Variants in ADGRB2 observed in about 807,000 individuals in gnomAD.
ADGRB2 encodes the protein brain-specific angiogenesis inhibitor 2.
ADGRB2 carries 47 observed loss-of-function variants against 178.7 expected under a neutral mutation model. The observed-to-expected ratio is 0.26, with a 90% CI of 0.21 to 0.34. ADGRB2 has a LOEUF of 0.34. Ranked by LOEUF, ADGRB2 falls within the 10% of genes least tolerant of loss-of-function variation. The pLI, the probability that ADGRB2 is intolerant of heterozygous loss-of-function variation, is 1.00. For synonymous variants in ADGRB2, 870 were observed against 912.4 expected, an observed-to-expected ratio of 0.95 and a Z score of 0.84; for missense variants, 1,584 against 2,180.8, an observed-to-expected ratio of 0.73 and a Z score of 5.45.
chr1:31,742,846 G>A lies in ADGRB2; in HGVS notation c.1244C>T (p.Ala415Val), dbSNP rs1252041788. The A allele has an allele frequency of 2.0e-6, 3 of 1,479,892 alleles. No individual in the cohort carries two copies. Among genetic ancestry groups the A allele is most frequent in the Non-Finnish European group, 2.7e-6 (3 of 1,105,630 alleles). 91.7% of individuals were successfully genotyped at this position (1,479,892 alleles called of 1,614,324 possible). Residue 415 changes from alanine (A) to valine (V), a missense_variant, in exon 7 of 33, where the codon GCC becomes GTC. Ala to Val is a moderately conservative substitution (Grantham distance 64). Around this residue, in one of 3 missense-constraint regions of ADGRB2, gnomAD observed 657 missense variants for 847.6 expected, o/e 0.78. Coordinates refer to ENST00000373658, the MANE Select transcript of ADGRB2 (RefSeq NM_001364857.2). ...ELQTKLCSMA[A>V]CPVEGQWLEW... ...CCACGGGTGCTACTGACCCGGGCAG[G>A]CAGCCATACTGCAGAGCTTAGTCTG...
chr1:31,735,671 G>A lies in ADGRB2; in HGVS notation c.3268-6C>T. The A allele has an allele frequency of 6.3e-7, 1 of 1,591,320 alleles. No individual in the cohort carries two copies. Among genetic ancestry groups the A allele is most frequent in the Non-Finnish European group, 8.6e-7 (1 of 1,164,914 alleles). Reference sequence around the variant, plus strand: ...ATTCCGATGAGCATGTTCACCTGGGGGCCCAGTAGAGTGGAGTGGGGGAGA... The same window carrying A: ...ATTCCGATGAGCATGTTCACCTGGGAGCCCAGTAGAGTGGAGTGGGGGAGA... On this transcript the variant is annotated splice_region_variant and splice_polypyrimidine_tract_variant and intron_variant, in intron 23 of 32. Transcript: ENST00000373658. This position sits in a 1 kb window ranked among gnomAD's most constrained non-coding sequence, Gnocchi z 6.0.
rs1313431103 is a variant in ADGRB2, at chr1:31,728,127, C to T, written c.4516-46G>A. 6.2e-7 allele frequency: 1 copy of T among 1,613,384 alleles called. No individual in the cohort carries two copies. ...CAGGCTCCAACCCCAGGGGCCACTGCACCAGGTCAGGCCCTGAGCTTCAGG... is the reference window on the plus strand; with the variant it reads ...CAGGCTCCAACCCCAGGGGCCACTGTACCAGGTCAGGCCCTGAGCTTCAGG... On this transcript the variant is annotated intron_variant, in intron 31 of 32. Coordinates refer to ENST00000373658, the MANE Select transcript of ADGRB2 (RefSeq NM_001364857.2). This position sits in a 1 kb window ranked among gnomAD's most constrained non-coding sequence, Gnocchi z 6.7.
intron 4 of ADGRB2, among the ~76,000 whole-genome samples, chr1:31,748,983 C>A (rs1019627440): frequency 6.6e-6 from 1 of 152,304 alleles, no homozygotes; most frequent in East Asian, 1.9e-4. Context: ...ACTCCAGAGG[C>A]CGTGCTCTTT....
chr1:31,738,507 C>T, intron 17 of ADGRB2, 80 bp downstream of exon 17: 1 of 1,549,044 alleles, frequency 6.5e-7, no homozygotes, highest in Non-Finnish European at 8.8e-7. Flanking sequence ...ATCCCTCTTG[C>T]CTTTTAGGCA....
rs1278380375 is a variant in ADGRB2, at chr1:31,753,706, G to A, written c.838+2293C>T. Among the ~76,000 whole-genome samples the A allele has an allele frequency of 1.3e-5, 2 of 152,252 alleles. No individual in the cohort carries two copies. The highest frequency in any genetic ancestry group is 1.3e-4 in the Admixed American group (2 of 15,290). ...GGGGGCCAAAGGCTCGGCAAAGGTG[G>A]TGCTGCCACAAGGCACAGACGGTGC... On this transcript the variant is annotated intron_variant, in intron 4 of 32. Transcript: ENST00000373658. The surrounding 1 kb of genome is among the most constrained non-coding windows in gnomAD (Gnocchi z 4.1).
At position 31,735,856 on chromosome 1, in the gene ADGRB2, A is replaced by C. The variant is rs1236421895; in HGVS notation, c.3238T>G (p.Phe1080Val). 1 of 1,608,508 alleles carries C rather than the reference A, an allele frequency of 6.2e-7. No homozygotes were observed. The highest frequency in any genetic ancestry group is 8.5e-7 in the Non-Finnish European group (1 of 1,177,294). The change falls in exon 23 of 33, where the codon TTT becomes GTT. Residue 1080 changes from phenylalanine to valine, a missense_variant. Physicochemically the swap from Phe to Val is conservative, Grantham distance 50. Around this residue, in one of 3 missense-constraint regions of ADGRB2, gnomAD observed 865 missense variants for 1,192.8 expected, o/e 0.73. Coordinates refer to ENST00000373658, the MANE Select transcript of ADGRB2 (RefSeq NM_001364857.2). This position sits in a 1 kb window ranked among gnomAD's most constrained non-coding sequence, Gnocchi z 6.0. ...LSLEGGLLYA[F>V]VGPAAVIVLV... ...ACAATGACGGCTGCAGGGCCCACAA[A>C]GGCGTAGAGCAGGCCGCCCTCCAGG...
chr1:31,735,041 G>T lies in ADGRB2; in HGVS notation c.3452+142C>A. The T allele has an allele frequency of 2.4e-6, 2 of 828,918 alleles. No homozygotes were observed. The highest frequency in any genetic ancestry group is 1.7e-6 in the Non-Finnish European group (1 of 576,208). The allele number at this position is 828,918 out of a possible 1,614,324, so 51.3% of individuals were successfully genotyped here. ...TGGCCACCTCTTGCCGAGCCCTTGAGAGTGTGTGGTGGCTGGCAGGAAAGG... is the reference window on the plus strand; with the variant it reads ...TGGCCACCTCTTGCCGAGCCCTTGATAGTGTGTGGTGGCTGGCAGGAAAGG... On this transcript the variant is annotated intron_variant, in intron 25 of 32. Transcript: ENST00000373658. The surrounding 1 kb of genome is among the most constrained non-coding windows in gnomAD (Gnocchi z 6.0).
chr1:31,739,918 CCTT>C lies in ADGRB2; in HGVS notation c.2167+5_2167+7del. 1.9e-6 allele frequency: 3 copies of C among 1,613,068 alleles called. No homozygotes were observed. The highest frequency in any genetic ancestry group is 1.7e-4 in the Middle Eastern group (1 of 6,054). On this transcript the variant is annotated splice_donor_5th_base_variant and intron_variant, in intron 14 of 32. Transcript: ENST00000373658. Reference sequence around the variant, plus strand: ...TCAGGACCCCCACCCTTGCCTGACTCCTTCTACCTAGATTATCTGTGACAATCA... The same window carrying C: ...TCAGGACCCCCACCCTTGCCTGACTCCTACCTAGATTATCTGTGACAATCA...
chr1:31,756,252 T>C lies in ADGRB2; in HGVS notation c.585A>G (p.Gln195=). ...AGCGGCAGAGCACACCACAGGTGAA[T>C]TGGCTAGAGTTGTTGTTGTTGATGA... ...VLLINNNNSS[Q]FTCGVLCRWS... is the part of the protein sequence containing the mutation. The change falls in exon 4 of 33, where the codon CAA becomes CAG. Residue 195 remains glutamine, a synonymous_variant. Transcript: ENST00000373658. The surrounding 1 kb of genome is among the most constrained non-coding windows in gnomAD (Gnocchi z 8.5). 7 of 1,613,376 alleles carry C rather than the reference T, an allele frequency of 4.3e-6. No homozygotes were observed. Among genetic ancestry groups the C allele is most frequent in the Non-Finnish European group, 5.9e-6 (7 of 1,179,946 alleles).
chr1:31,729,160 G>T (rs1645150080), intron 29 of ADGRB2, among the ~76,000 whole-genome samples: 1 of 151,962 alleles, frequency 6.6e-6, no homozygotes, highest in Non-Finnish European at 1.5e-5. Flanking sequence ...CACTTTCAAG[G>T]CCCCAGTAAG....
At chr1:31,729,100 C>T (rs1645146098) in intron 29 of ADGRB2, among the ~76,000 whole-genome samples, 1 of 152,160 alleles carries the variant, frequency 6.6e-6, no homozygotes, top group African/African-American at 2.4e-5. Context: ...GCGCTGCCTC[C>T]CTGGCCTCTC....
chr1:31,731,513 C>T (rs1265347753), intron 28 of ADGRB2, 94 bp from the exon 29 acceptor site: 1 of 1,454,422 alleles, frequency 6.9e-7, no homozygotes, highest in Non-Finnish European at 9.2e-7. Flanking sequence ...AGCTTCTGCG[C>T]TTGGACAGGA....
In ADGRB2 at chr1:31,758,692, C is replaced by G. The variant is rs1415016281; in HGVS notation, c.-190-1181G>C. 1.3e-5 allele frequency: 2 copies of G among 156,548 alleles called. No individual in the cohort carries two copies. Among genetic ancestry groups the G allele is most frequent in the African/African-American group, 4.8e-5 (2 of 41,506 alleles). 9.7% of individuals were successfully genotyped at this position (156,548 alleles called of 1,614,324 possible). A position where few individuals can be genotyped will look rare whatever the true frequency, so the allele number is the denominator to read the frequency against. The stretch of plus-strand genomic sequence containing the variant: ...GGGGAGATGGTGGAGTAGCTCCAGG[C>G]AGACCTACTCACTGCAGAGGAGCCA... On this transcript the variant is annotated intron_variant, in intron 1 of 32. Coordinates refer to ENST00000373658, the MANE Select transcript of ADGRB2 (RefSeq NM_001364857.2). The surrounding 1 kb of genome is among the most constrained non-coding windows in gnomAD (Gnocchi z 4.2).
intron 6 of ADGRB2, among the ~76,000 whole-genome samples, chr1:31,743,207 G>A (rs926179784): frequency 1.7e-4 from 26 of 152,182 alleles, no homozygotes; most frequent in East Asian, 5.8e-4. Flanking sequence ...ACAGGCTTCC[G>A]GTCCTAATTC....
In ADGRB2 at chr1:31,741,997, C is replaced by G. The variant is rs766520024; in HGVS notation, c.1418-30G>C. 13 of 1,582,380 alleles carry G rather than the reference C, an allele frequency of 8.2e-6. No individual in the cohort carries two copies. The highest frequency in any genetic ancestry group is 1.1e-5 in the Non-Finnish European group (13 of 1,160,112). ...GGGAGAGGTGAGGCATATGAGTGGGCCCAGGTACCCCCATGGTCAGAGCTG... is the reference window on the plus strand; with the variant it reads ...GGGAGAGGTGAGGCATATGAGTGGGGCCAGGTACCCCCATGGTCAGAGCTG... On this transcript the variant is annotated intron_variant, in intron 8 of 32. Coordinates refer to ENST00000373658, the MANE Select transcript of ADGRB2 (RefSeq NM_001364857.2). The surrounding 1 kb of genome is among the most constrained non-coding windows in gnomAD (Gnocchi z 6.5).
chr1:31,757,527 G>A lies in ADGRB2; in HGVS notation c.-190-16C>T, dbSNP rs1359896320. ...TGTGGATTTCCTGGTTGGAATAAGG[G>A]GGAGAGGCACCGAGTAAGGGGACAT... On this transcript the variant is annotated splice_polypyrimidine_tract_variant and intron_variant, in intron 1 of 32. Transcript: ENST00000373658. 2 of 411,070 alleles carry A rather than the reference G, an allele frequency of 4.9e-6. No homozygotes were observed. The highest frequency in any genetic ancestry group is 7.4e-5 in the Admixed American group (2 of 26,934). The allele number at this position is 411,070 out of a possible 1,614,324, so 25.5% of individuals were successfully genotyped here. A position where few individuals can be genotyped will look rare whatever the true frequency, so the allele number is the denominator to read the frequency against.
rs964249383 is a variant in ADGRB2, at chr1:31,741,143, C to T, written c.1794+230G>A. On this transcript the variant is annotated intron_variant, in intron 11 of 32. Coordinates refer to ENST00000373658, the MANE Select transcript of ADGRB2 (RefSeq NM_001364857.2). The surrounding 1 kb of genome is among the most constrained non-coding windows in gnomAD (Gnocchi z 6.5). The stretch of plus-strand genomic sequence containing the variant: ...GGATGAGCACCTAATGACTGAGGAG[C>T]TCATTCTGCAGGAGCGCAGAGGTAG... 1.3e-5 allele frequency among the ~76,000 whole-genome samples: 2 copies of T among 152,122 alleles called. No homozygotes were observed. The highest frequency in any genetic ancestry group is 4.8e-5 in the African/African-American group (2 of 41,420).
chr1:31,727,229 G>T lies in ADGRB2; in HGVS notation c.*191C>A. On this transcript the variant is annotated 3_prime_UTR_variant, in exon 33 of 33. Coordinates refer to ENST00000373658, the MANE Select transcript of ADGRB2 (RefSeq NM_001364857.2). This position sits in a 1 kb window ranked among gnomAD's most constrained non-coding sequence, Gnocchi z 4.4. The stretch of plus-strand genomic sequence containing the variant: ...GTTCCAGTGGCTGAGGGGCCTCTGA[G>T]AAACAAGGAAGGGCCCTGGGACCCC... 1.7e-6 allele frequency: 1 copy of T among 595,790 alleles called. No homozygotes were observed. Among genetic ancestry groups the T allele is most frequent in the Non-Finnish European group, 2.7e-6 (1 of 373,458 alleles). The allele number at this position is 595,790 out of a possible 1,614,324, so 36.9% of individuals were successfully genotyped here. A position where few individuals can be genotyped will look rare whatever the true frequency, so the allele number is the denominator to read the frequency against.
At chr1:31,737,352 AAC>A in intron 20 of ADGRB2, 75 bp downstream of exon 20, 2 of 1,376,454 alleles carry the variant, frequency 1.5e-6, no homozygotes, top group Non-Finnish European at 2.1e-6. Flanking sequence ...CGTACAAGCA[AAC>A]ACACACACTG....
Sources: allele counts gnomAD v4.1 joint callset (sites outside exome capture counted in the v4.1 genomes callset), GRCh38; gene constraint gnomAD v4.1.1; regional missense constraint gnomAD v4.1.1; non-coding constraint Gnocchi (gnomAD v3.1); transcripts MANE v1.5; gene names NCBI Gene and HGNC (gene_info 2026-07-23, HGNC 2026-07-21).